PDE4B: variants seen among roughly 807,000 people sequenced by gnomAD.
PDE4B encodes 3',5'-cyclic-AMP phosphodiesterase 4B.
PDE4B carries 20 observed loss-of-function variants against 82.2 expected under a neutral mutation model. That is an observed-to-expected ratio of 0.24 (90% CI 0.17 to 0.35). PDE4B has a LOEUF of 0.35. Ranked by LOEUF, PDE4B falls within the 10% of genes least tolerant of loss-of-function variation. PDE4B has a pLI of 1.00. For synonymous variants in PDE4B, 320 were observed against 318.9 expected (o/e 1.00, Z -0.04); for missense variants, 655 against 907.2 (o/e 0.72, Z 3.57).
chr1:65,808,721 T>C (rs1645784585), intron 1 of PDE4B, among the ~76,000 whole-genome samples: 1 of 152,180 alleles, frequency 6.6e-6, no homozygotes, highest in South Asian at 2.1e-4. Flanking sequence ...GTAGGAAATT[T>C]AATAGCATTG....
intron 3 of PDE4B, among the ~76,000 whole-genome samples, chr1:66,142,570 C>A (rs1004301509): frequency 6.6e-6 from 1 of 151,782 alleles, no homozygotes; most frequent in African/African-American, 2.4e-5. Context: ...TACAAGAACA[C>A]CTGCTTTAAA....
chr1:65,900,602 C>T (rs1031828581), intron 1 of PDE4B, among the ~76,000 whole-genome samples: 1 of 152,030 alleles, frequency 6.6e-6, no homozygotes, highest in Non-Finnish European at 1.5e-5. Flanking sequence ...GAATGTTTCT[C>T]CATTTGTTTG....
At chr1:66,093,635 C>G (rs917591157) in intron 3 of PDE4B, among the ~76,000 whole-genome samples, 1 of 152,002 alleles carries the variant, frequency 6.6e-6, no homozygotes, top group Non-Finnish European at 1.5e-5. Context: ...AACCAATAAG[C>G]TATACTAAGC....
chr1:65,848,021 C>T (rs1036843270), intron 1 of PDE4B, among the ~76,000 whole-genome samples: 1 of 152,074 alleles, frequency 6.6e-6, no homozygotes, highest in African/African-American at 2.4e-5. Context: ...TGACTTCATC[C>T]AAATTAAATG....
intron 3 of PDE4B, among the ~76,000 whole-genome samples, chr1:65,934,224 G>A (rs1268139286): frequency 6.6e-6 from 1 of 152,132 alleles, no homozygotes; most frequent in Non-Finnish European, 1.5e-5. Context: ...CAAGGTAGGA[G>A]GATTACTTGA....
intron 3 of PDE4B, among the ~76,000 whole-genome samples, chr1:66,081,790 C>T (rs1282349688): frequency 3.3e-5 from 5 of 149,310 alleles, no homozygotes; most frequent in South Asian, 2.1e-4. Flanking sequence ...ACATTCTACA[C>T]GGGAGTGAAA....
At chr1:66,354,388 A>G (rs1662067825) in intron 8 of PDE4B, 2 of 986,446 alleles carry the variant, frequency 2.0e-6, no homozygotes, top group Non-Finnish European at 2.4e-6. Context: ...CTCCATTTTA[A>G]TCTTCTCCTT....
intron 3 of PDE4B, among the ~76,000 whole-genome samples, chr1:66,187,369 C>T (rs981281893): frequency 6.6e-6 from 1 of 151,944 alleles, no homozygotes; most frequent in African/African-American, 2.4e-5. Context: ...GGGAGGATTC[C>T]CTCTTTTTCT....
chr1:66,357,234 C>T (rs1490710237), intron 9 of PDE4B, among the ~76,000 whole-genome samples: 1 of 152,162 alleles, frequency 6.6e-6, no homozygotes, highest in African/African-American at 2.4e-5. Context: ...TCCCTGAGCC[C>T]TTAATCATCC....
intron 3 of PDE4B, among the ~76,000 whole-genome samples, chr1:66,057,200 C>T (rs1376324206): frequency 6.6e-6 from 1 of 152,120 alleles, no homozygotes; most frequent in Non-Finnish European, 1.5e-5. Flanking sequence ...ATTTACTGAG[C>T]ACTTAGTATA....
intron 1 of PDE4B, among the ~76,000 whole-genome samples, chr1:65,824,973 A>G (rs887137124): frequency 3.9e-5 from 6 of 152,168 alleles, no homozygotes; most frequent in Non-Finnish European, 7.3e-5. Flanking sequence ...ATGGCAGAAG[A>G]ATGTGGGTGT....
intron 3 of PDE4B, among the ~76,000 whole-genome samples, chr1:66,017,048 G>A (rs1029140661): frequency 6.6e-6 from 1 of 152,216 alleles, no homozygotes; most frequent in Admixed American, 6.5e-5. Context: ...GGAGCATTAG[G>A]TTGGAACAGG....
intron 7 of PDE4B, among the ~76,000 whole-genome samples, chr1:66,268,643 A>G (rs1252522386): frequency 7.8e-6 from 1 of 127,764 alleles, no homozygotes; most frequent in African/African-American, 3.1e-5. Context: ...ACTCAAGCCC[A>G]GGTGACAGAG....
intron 1 of PDE4B, among the ~76,000 whole-genome samples, chr1:65,841,290 G>A (rs927844917): frequency 6.6e-6 from 1 of 151,522 alleles, no homozygotes; most frequent in African/African-American, 2.4e-5. Flanking sequence ...GTGATAGAGC[G>A]AGACTCTGCC....
intron 3 of PDE4B, among the ~76,000 whole-genome samples, chr1:66,161,087 C>T (rs185645709): frequency 6.6e-6 from 1 of 152,066 alleles, no homozygotes; most frequent in Non-Finnish European, 1.5e-5. Flanking sequence ...TAGCATACAA[C>T]CCTAAATCTT....
intron 7 of PDE4B, among the ~76,000 whole-genome samples, chr1:66,313,011 C>A (rs1658775964): frequency 6.6e-6 from 1 of 152,158 alleles, no homozygotes; most frequent in South Asian, 2.1e-4. Context: ...CAACCCCAAC[C>A]CCACTTTTTA....
chr1:65,808,646 T>C (rs1322741768), intron 1 of PDE4B, among the ~76,000 whole-genome samples: 1 of 152,234 alleles, frequency 6.6e-6, no homozygotes, highest in Non-Finnish European at 1.5e-5. Flanking sequence ...TTTATCTTAA[T>C]GGCAGTGGGG....
intron 1 of PDE4B, among the ~76,000 whole-genome samples, chr1:65,893,762 T>G (rs1553196928): frequency 6.6e-6 from 1 of 152,070 alleles, no homozygotes; most frequent in Non-Finnish European, 1.5e-5. Flanking sequence ...GAACAGTGAC[T>G]GTTTAAAGAA....
intron 3 of PDE4B, among the ~76,000 whole-genome samples, chr1:66,101,711 CT>C (rs1178883459): frequency 1.3e-5 from 2 of 151,990 alleles, no homozygotes; most frequent in Admixed American, 6.6e-5. Flanking sequence ...TGTTTGAGTT[CT>C]TCGTAGATTC....
Sources: allele counts gnomAD v4.1 joint callset (sites outside exome capture counted in the v4.1 genomes callset), GRCh38; gene constraint gnomAD v4.1.1; transcripts MANE v1.5; gene names NCBI Gene and HGNC (gene_info 2026-07-23, HGNC 2026-07-21).